MOCOS: variants seen among roughly 807,000 people sequenced by gnomAD.
The protein encoded by MOCOS is molybdenum cofactor sulfurase.
In MOCOS, 86 loss-of-function variants were observed where a neutral mutation model predicts 83.6. That is an observed-to-expected ratio of 1.03 (90% CI 0.86 to 1.23). MOCOS has a LOEUF of 1.23. Among genes scored for constraint, MOCOS ranks in the 50% most tolerant of loss-of-function variants. MOCOS has a pLI of 0.00. For missense variants in MOCOS, 1,120 were observed against 1,126.9 expected, an observed-to-expected ratio of 0.99 and a Z score of 0.09; for synonymous variants, 445 against 434.7, an observed-to-expected ratio of 1.02 and a Z score of -0.29.
chr18:36,244,460 A>G (rs977777958), intron 9 of MOCOS, among the ~76,000 whole-genome samples: 1 of 152,004 alleles, frequency 6.6e-6, no homozygotes, highest in African/African-American at 2.4e-5. Flanking sequence ...TTAATTTCCA[A>G]TTTTGTTCCA....
chr18:36,249,648 G>A (rs2091614882), intron 10 of MOCOS, among the ~76,000 whole-genome samples: 1 of 152,090 alleles, frequency 6.6e-6, no homozygotes, highest in Admixed American at 6.5e-5. Context: ...GGGAAGGGGT[G>A]CAAGCAGGAA....
At chr18:36,266,123 C>A (rs1440015336) in intron 13 of MOCOS, among the ~76,000 whole-genome samples, 3 of 152,060 alleles carry the variant, frequency 2.0e-5, no homozygotes, top group African/African-American at 7.2e-5. Flanking sequence ...CTCACAGGGG[C>A]CAGCGCTGGC....
chr18:36,204,604 G>A (rs2091427397), intron 5 of MOCOS, among the ~76,000 whole-genome samples: 2 of 152,096 alleles, frequency 1.3e-5, no homozygotes, highest in South Asian at 2.1e-4. Context: ...CTAAACATTT[G>A]TCACAAGGGC....
At chr18:36,249,641 A>G (rs949591909) in intron 10 of MOCOS, among the ~76,000 whole-genome samples, 31 of 151,862 alleles carry the variant, frequency 2.0e-4, no homozygotes, top group African/African-American at 7.3e-4. Flanking sequence ...TGGAAGGGGG[A>G]AGGGGTGCAA....
chr18:36,239,752 C>T (rs1162672716), intron 9 of MOCOS, among the ~76,000 whole-genome samples: 3 of 149,164 alleles, frequency 2.0e-5, no homozygotes, highest in African/African-American at 7.4e-5. Context: ...TTCCATTCTC[C>T]CCATCACTTT....
intron 14 of MOCOS, among the ~76,000 whole-genome samples, chr18:36,267,897 T>C (rs2091686927): frequency 6.6e-6 from 1 of 152,170 alleles, no homozygotes; most frequent in Non-Finnish European, 1.5e-5. Flanking sequence ...TCACCCACAT[T>C]TGTACAAATC....
chr18:36,245,210 T>G (rs2091598211), intron 9 of MOCOS, among the ~76,000 whole-genome samples: 1 of 152,194 alleles, frequency 6.6e-6, no homozygotes, highest in South Asian at 2.1e-4. Context: ...TGTTATTGTT[T>G]TATAAGCTGT....
intron 1 of MOCOS, chr18:36,190,123 C>T: frequency 6.6e-6 from 1 of 152,224 alleles, no homozygotes; most frequent in East Asian, 1.9e-4. Flanking sequence ...CTTGGCCCTC[C>T]AGAAGACTGT....
intron 2 of MOCOS, among the ~76,000 whole-genome samples, chr18:36,198,046 T>C (rs1247593774): frequency 6.6e-6 from 1 of 152,212 alleles, no homozygotes; most frequent in Non-Finnish European, 1.5e-5. Flanking sequence ...ATCATGCTTT[T>C]GAAGTTCTTT....
intron 1 of MOCOS, among the ~76,000 whole-genome samples, chr18:36,190,575 C>T (rs2091361052): frequency 6.6e-6 from 1 of 151,852 alleles, no homozygotes; most frequent in South Asian, 2.1e-4. Flanking sequence ...ATGGTGAAAC[C>T]CCGTCTCTAC....
intron 7 of MOCOS, among the ~76,000 whole-genome samples, chr18:36,214,701 A>G (rs2091468987): frequency 6.6e-6 from 1 of 152,098 alleles, no homozygotes; most frequent in Non-Finnish European, 1.5e-5. Flanking sequence ...AGTTTTGTTT[A>G]AAAAGAAAGA....
intron 11 of MOCOS, among the ~76,000 whole-genome samples, chr18:36,254,295 C>T (rs1218945428): frequency 1.3e-5 from 2 of 152,100 alleles, no homozygotes; most frequent in African/African-American, 4.8e-5. Flanking sequence ...GTTTAAACAG[C>T]TACAAAGGAT....
At chr18:36,259,448 CAAA>C (rs397858504) in intron 12 of MOCOS, among the ~76,000 whole-genome samples, 6 of 92,422 alleles carry the variant, frequency 6.5e-5, no homozygotes, top group Admixed American at 1.2e-4. Context: ...GACCTTGTCT[CAAA>C]AAAAAAAAAA....
chr18:36,231,008 T>C (rs976386687), intron 9 of MOCOS, among the ~76,000 whole-genome samples: 1 of 152,246 alleles, frequency 6.6e-6, no homozygotes. Flanking sequence ...GACATTCTTC[T>C]TTATTACCAA....
chr18:36,211,733 AC>A (rs2091456244), intron 6 of MOCOS, among the ~76,000 whole-genome samples: 1 of 152,114 alleles, frequency 6.6e-6, no homozygotes, highest in Non-Finnish European at 1.5e-5. Context: ...TGTGGCTGCA[AC>A]AGCATCTTCT....
At chr18:36,260,262 G>T (rs2091658981) in intron 13 of MOCOS, 87 bp downstream of exon 13, 12 of 1,559,826 alleles carry the variant, frequency 7.7e-6, no homozygotes, top group Middle Eastern at 1.7e-4. Context: ...CTGCAGGTGG[G>T]ACTCCCTCCC....
At position 36,203,101 on chromosome 18, in the gene MOCOS, C is replaced by T. The variant is rs1598873083; in HGVS notation, c.942-12C>T. The T allele has an allele frequency of 3.7e-6, 6 of 1,613,262 alleles. No homozygotes were observed. The African/African-American group carries it at 4.0e-5, about 11-fold the overall frequency. ...CACAGCTTGACCTGTTCTCCTTACC[C>T]CGTGGTTATAGGTTTGAAGATGGCA... On this transcript the variant is annotated splice_polypyrimidine_tract_variant and intron_variant, in intron 4 of 14. Transcript: ENST00000261326.
intron 14 of MOCOS, among the ~76,000 whole-genome samples, chr18:36,268,197 A>T (rs760325807): frequency 2.0e-4 from 31 of 152,216 alleles, no homozygotes; most frequent in Middle Eastern, 3.2e-3. Flanking sequence ...GGCAGCAAAC[A>T]GGAAATGGGC....
intron 9 of MOCOS, among the ~76,000 whole-genome samples, chr18:36,238,964 T>TTTATTTATTTA (rs2091570506): frequency 6.6e-6 from 1 of 151,520 alleles, no homozygotes; most frequent in Admixed American, 6.6e-5. Flanking sequence ...AACCCCTGCC[T>TTTATTTATTTA]TTTTTTGTTT....
Sources: allele counts gnomAD v4.1 joint callset (sites outside exome capture counted in the v4.1 genomes callset), GRCh38; gene constraint gnomAD v4.1.1; transcripts MANE v1.5; gene names NCBI Gene and HGNC (gene_info 2026-07-23, HGNC 2026-07-21).